Variants in PKHD1L1 observed in about 807,000 individuals in gnomAD.
PKHD1L1 encodes fibrocystin-L.
PKHD1L1 carries 434 observed loss-of-function variants against 462.9 expected under a neutral mutation model. That is an observed-to-expected ratio of 0.94 (90% CI 0.87 to 1.02). PKHD1L1 has a LOEUF of 1.02. Among genes scored for constraint, PKHD1L1 ranks in the 50% least tolerant of loss-of-function variants. The pLI, the probability that PKHD1L1 is intolerant of heterozygous loss-of-function variation, is 0.00. For synonymous variants in PKHD1L1, 1,781 were observed against 1,750.0 expected (o/e 1.02, Z -0.44); for missense variants, 5,202 against 5,096.1 (o/e 1.02, Z -0.63).
chr8:109,491,755 A>T, intron 61 of PKHD1L1, 118 bp from the exon 62 acceptor site: 1 of 977,694 alleles, frequency 1.0e-6, no homozygotes, highest in Non-Finnish European at 1.4e-6. Flanking sequence ...ATTGTTTGTC[A>T]GGCTCAAAGT....
intron 2 of PKHD1L1, among the ~76,000 whole-genome samples, chr8:109,369,516 T>A (rs904008743): frequency 6.6e-6 from 1 of 152,126 alleles, no homozygotes; most frequent in Admixed American, 6.5e-5. Flanking sequence ...AAGCTGAAAA[T>A]GATATCATCT....
At chr8:109,388,435 T>G (rs1463184105) in intron 6 of PKHD1L1, 62 bp from the exon 7 acceptor site, 7 of 1,184,136 alleles carry the variant, frequency 5.9e-6, no homozygotes, top group African/African-American at 1.5e-5. Context: ...ATGGGAGGAG[T>G]GCATTTTTGA....
rs73309421 is a variant in PKHD1L1 at position 109,394,442 on chromosome 8, T to A, written c.768T>A (p.Phe256Leu). 9,524 of 1,529,792 alleles carry A rather than the reference T, an allele frequency of 6.2e-3. 543 individuals are homozygous for A. In the African/African-American group the frequency reaches 0.12, roughly 19 times the overall value. The allele number at this position is 1,529,792 out of a possible 1,614,324, so 94.8% of individuals were successfully genotyped here. A position where few individuals can be genotyped will look rare whatever the true frequency, so the allele number is the denominator to read the frequency against. Residue 256 changes from phenylalanine (F) to leucine (L), a missense_variant, in exon 10 of 78, where the codon TTT becomes TTA. By Grantham distance (22) the Phe-to-Leu change is conservative. This residue lies in a region of PKHD1L1 where 4,497 missense variants were observed against 4,336.8 expected (regional missense o/e 1.04). Coordinates refer to ENST00000378402, the MANE Select transcript of PKHD1L1 (RefSeq NM_177531.6). ...GRSFPQKMAY[F>L]VSSLNKIAMF... ...GTTTTCCACAGAAAATGGCATATTT[T>A]GTTTCTTCTCTCAATAAAATTGCAA...
chr8:109,479,173 CAT>C (rs1276254994), intron 53 of PKHD1L1, among the ~76,000 whole-genome samples: 1 of 152,088 alleles, frequency 6.6e-6, no homozygotes, highest in African/African-American at 2.4e-5. Context: ...TTCTAGAAGG[CAT>C]AGTGATGAAA....
intron 7 of PKHD1L1, 108 bp downstream of exon 7, chr8:109,388,658 C>T (rs1812555628): frequency 5.2e-6 from 4 of 769,996 alleles, no homozygotes; most frequent in Non-Finnish European, 8.4e-6. Flanking sequence ...GTTTATAATA[C>T]AGTATAAATT....
intron 17 of PKHD1L1, among the ~76,000 whole-genome samples, chr8:109,407,662 T>C (rs1813629466): frequency 6.6e-6 from 1 of 152,144 alleles, no homozygotes; most frequent in Admixed American, 6.6e-5. Context: ...CTAAAGAAAA[T>C]AGAAATATTC....
At chr8:109,475,777 G>A (rs1371297181) in intron 51 of PKHD1L1, among the ~76,000 whole-genome samples, 1 of 148,756 alleles carries the variant, frequency 6.7e-6, no homozygotes, top group Non-Finnish European at 1.5e-5. Flanking sequence ...GAACCCAAGA[G>A]GCAGAGGTTG....
intron 67 of PKHD1L1, among the ~76,000 whole-genome samples, chr8:109,500,085 T>C (rs1819324676): frequency 6.6e-6 from 1 of 152,160 alleles, no homozygotes; most frequent in Non-Finnish European, 1.5e-5. Context: ...GAGATGGGTG[T>C]ACCAGCCTGT....
At chr8:109,462,324 A>C (rs1817182008) in intron 48 of PKHD1L1, among the ~76,000 whole-genome samples, 1 of 152,038 alleles carries the variant, frequency 6.6e-6, no homozygotes, top group Non-Finnish European at 1.5e-5. Flanking sequence ...ATCTTGTTAC[A>C]CCCCTCTTCA....
Position 109,452,960 on chromosome 8 carries a change from A to G in PKHD1L1, c.6664+86A>G, listed in dbSNP as rs1816622041. The G allele has an allele frequency of 5.3e-6, 6 of 1,141,678 alleles. No homozygotes were observed. In the South Asian group the frequency reaches 8.4e-5, roughly 16 times the overall value. The allele number at this position is 1,141,678 out of a possible 1,614,324, so 70.7% of individuals were successfully genotyped here. On this transcript the variant is annotated intron_variant, in intron 43 of 77. Coordinates refer to ENST00000378402, the MANE Select transcript of PKHD1L1 (RefSeq NM_177531.6). Reference sequence around the variant, plus strand: ...TTAATCAAAATCCACAATTATGAACAAACATAGTTGCACTATCTTTTTAAT... The same window carrying G: ...TTAATCAAAATCCACAATTATGAACGAACATAGTTGCACTATCTTTTTAAT...
chr8:109,464,954 A>G lies in PKHD1L1; in HGVS notation c.8122A>G (p.Lys2708Glu), dbSNP rs772025268. The change falls in exon 49 of 78, where the codon AAA becomes GAA. Residue 2708 changes from lysine (K) to glutamate (E), a missense_variant. Lys to Glu is a moderately conservative substitution (Grantham distance 56). Coordinates refer to ENST00000378402, the MANE Select transcript of PKHD1L1 (RefSeq NM_177531.6). ...CAATGGAGCGGTGATTAAAAATGCC[A>G]AAATAGTCGGCCATCTTGATGAACT... ...ETNGAVIKNA[K>E]IVGHLDELGM... is the part of the protein sequence containing the mutation. 7 of 1,613,862 alleles carry G rather than the reference A, an allele frequency of 4.3e-6. No individual in the cohort carries two copies. The highest frequency in any genetic ancestry group is 5.9e-6 in the Non-Finnish European group (7 of 1,179,814).
At chr8:109,477,936 C>T (rs904463713) in intron 53 of PKHD1L1, among the ~76,000 whole-genome samples, 2 of 152,130 alleles carry the variant, frequency 1.3e-5, no homozygotes, top group Non-Finnish European at 2.9e-5. Flanking sequence ...CTTTATTTCT[C>T]GTGAAGCATC....
At chr8:109,412,515 A>C in intron 20 of PKHD1L1, 101 bp downstream of exon 20, 2 of 1,257,188 alleles carry the variant, frequency 1.6e-6, no homozygotes, top group South Asian at 3.2e-5. Flanking sequence ...CCATATAAAT[A>C]GTATGTCATA....
At chr8:109,413,778 C>A (rs546137104) in intron 21 of PKHD1L1, among the ~76,000 whole-genome samples, 1 of 152,100 alleles carries the variant, frequency 6.6e-6, no homozygotes, top group Admixed American at 6.5e-5. Flanking sequence ...TTGGTCATGA[C>A]ATAGTCACCC....
At position 109,442,018 on chromosome 8, in the gene PKHD1L1, G is replaced by A. The variant is rs780000649; in HGVS notation, c.4216G>A (p.Gly1406Ser). The change falls in exon 35 of 78, where the codon GGT (glycine) becomes AGT (serine). Residue 1406 changes from glycine (G) to serine (S), a missense_variant. Physicochemically the swap from Gly to Ser is moderately conservative, Grantham distance 56 (BLOSUM62 0). This residue lies in a region of PKHD1L1 where 4,497 missense variants were observed against 4,336.8 expected (regional missense o/e 1.04). Coordinates refer to ENST00000378402, the MANE Select transcript of PKHD1L1 (RefSeq NM_177531.6). ...ATTCTTGCCCCCAGTACATGGATTA[G>A]GTTATGCCTGGTCACCACCAGTCCT... Reference protein sequence around the residue: ...NNGKDSVHGLGYAWSPPVLNV... With the variant: ...NNGKDSVHGLSYAWSPPVLNV... 1.2e-6 allele frequency: 2 copies of A among 1,606,088 alleles called. No homozygotes were observed. The highest frequency in any genetic ancestry group is 2.2e-5 in the South Asian group (2 of 89,162).
At chr8:109,482,051 T>C (rs980206388) in intron 56 of PKHD1L1, among the ~76,000 whole-genome samples, 1 of 151,864 alleles carries the variant, frequency 6.6e-6, no homozygotes, top group African/African-American at 2.4e-5. Context: ...TGCTGAGATT[T>C]AATTTCCCAG....
chr8:109,430,164 T>C (rs1049719630), intron 27 of PKHD1L1, 127 bp downstream of exon 27: 6 of 514,150 alleles, frequency 1.2e-5, no homozygotes, highest in African/African-American at 6.0e-5. Context: ...CAGTTCTACA[T>C]TGTGAAAATT....
rs755746356 is a variant in PKHD1L1, at chr8:109,523,389, G to A, written c.12484+3G>A. On this transcript the variant is annotated splice_donor_region_variant and intron_variant, in intron 76 of 77. Transcript: ENST00000378402. ...AGACCTTACTCCCCTTAGAACAGGT[G>A]GGTGCACTATTTTGGATCCTCACAT... 1.9e-6 allele frequency: 3 copies of A among 1,608,422 alleles called. No individual in the cohort carries two copies. The highest frequency in any genetic ancestry group is 1.7e-6 in the Non-Finnish European group (2 of 1,176,568).
chr8:109,396,062 CG>C lies in PKHD1L1; in HGVS notation c.848del (p.Arg283GlnfsTer6), dbSNP rs1812957237. The part of the protein sequence containing the change: ...TMIFPSQGSI[R>X]GGTTLTISGR... Reference sequence around the variant, plus strand: ...GATTTTCCCTTCACAAGGAAGCATTCGAGGTGGCACCACGCTGACAATAAGT... The same window carrying C: ...GATTTTCCCTTCACAAGGAAGCATTCAGGTGGCACCACGCTGACAATAAGT... On this transcript the variant is annotated frameshift_variant, in exon 11 of 78. Transcript: ENST00000378402. LOFTEE classifies it high-confidence loss of function. 1 of 1,606,968 alleles carries C rather than the reference CG, an allele frequency of 6.2e-7. No homozygotes were observed. The highest frequency in any genetic ancestry group is 8.5e-7 in the Non-Finnish European group (1 of 1,176,996).
Sources: allele counts gnomAD v4.1 joint callset (sites outside exome capture counted in the v4.1 genomes callset), GRCh38; gene constraint gnomAD v4.1.1; regional missense constraint gnomAD v4.1.1; transcripts MANE v1.5; gene names NCBI Gene and HGNC (gene_info 2026-07-23, HGNC 2026-07-21).